Variants in PODNL1 observed in about 807,000 individuals in gnomAD.
The protein encoded by PODNL1 is podocan like 1.
A neutral mutation model predicts 45.1 loss-of-function variants in PODNL1; 50 were observed. The ratio of observed to expected loss-of-function variants is 1.11; its 90% CI spans 0.88 to 1.40. The LOEUF (loss-of-function observed/expected upper bound fraction) is 1.40, where lower values mean the gene tolerates loss of function less well. Among genes scored for constraint, PODNL1 ranks in the 40% most tolerant of loss-of-function variants. PODNL1 has a pLI of 0.00. For synonymous variants in PODNL1, 406 were observed against 372.5 expected (o/e 1.09, Z -1.04); for missense variants, 788 against 793.3 (o/e 0.99, Z 0.08).
chr19:13,931,717 T>C lies in PODNL1; in HGVS notation c.*20A>G. The C allele has an allele frequency of 8.1e-7, 1 of 1,231,766 alleles. No individual in the cohort carries two copies. The highest frequency in any genetic ancestry group is 1.0e-6 in the Non-Finnish European group (1 of 987,928). 76.3% of individuals were successfully genotyped at this position (1,231,766 alleles called of 1,614,324 possible). ...GCGGAGTCCCAGGAGTCTGAGCTGC[T>C]CTGCTGGGCCTCTCTAGGATCAGGG... On this transcript the variant is annotated 3_prime_UTR_variant, in exon 10 of 10. Coordinates refer to ENST00000588872, the MANE Select transcript of PODNL1 (RefSeq NM_001370095.3).
At position 13,936,350 on chromosome 19, in the gene PODNL1, T is replaced by A. The variant is rs1291812580; in HGVS notation, c.319+17A>T. On this transcript the variant is annotated intron_variant, in intron 3 of 9. Coordinates refer to ENST00000588872, the MANE Select transcript of PODNL1 (RefSeq NM_001370095.3). ...GTCCTACAGCCCCAGAGAGGCCGCCTCCCTCTGCCCCCTCACCTTCGGAGG... is the reference window on the plus strand; with the variant it reads ...GTCCTACAGCCCCAGAGAGGCCGCCACCCTCTGCCCCCTCACCTTCGGAGG... 1 of 1,601,652 alleles carries A rather than the reference T, an allele frequency of 6.2e-7. No individual in the cohort carries two copies. The highest frequency in any genetic ancestry group is 1.7e-4 in the Middle Eastern group (1 of 5,802).
intron 1 of PODNL1, chr19:13,952,430 T>C: frequency 8.1e-7 from 1 of 1,239,442 alleles, no homozygotes; most frequent in Non-Finnish European, 1.0e-6. Context: ...GGCGGGCCGC[T>C]GTCCCGAAAA....
At chr19:13,946,245 C>T (rs1470385291) in intron 1 of PODNL1, among the ~76,000 whole-genome samples, 1 of 151,756 alleles carries the variant, frequency 6.6e-6, no homozygotes, top group Non-Finnish European at 1.5e-5. Flanking sequence ...GCCTGGCCAA[C>T]ATGATGAAAC....
At chr19:13,948,016 T>C (rs1382885986) in intron 1 of PODNL1, among the ~76,000 whole-genome samples, 1 of 151,664 alleles carries the variant, frequency 6.6e-6, no homozygotes, top group Admixed American at 6.6e-5. Flanking sequence ...CAGGCCCTCA[T>C]GCTAATTTCT....
intron 2 of PODNL1, 85 bp downstream of exon 2, chr19:13,937,700 C>T: frequency 7.8e-7 from 1 of 1,288,504 alleles, no homozygotes; most frequent in African/African-American, 1.5e-5. Context: ...CCCCACCACG[C>T]TCCTCAGCTC....
At chr19:13,936,611 CTT>C (rs1440109037) in intron 2 of PODNL1, 151 bp from the exon 3 acceptor site, 2 of 609,248 alleles carry the variant, frequency 3.3e-6, no homozygotes, top group East Asian at 2.9e-5. Flanking sequence ...CTGACCCAGT[CTT>C]ATAACTGCCA....
chr19:13,939,745 C>T (rs1599442612), upstream of PODNL1, among the ~76,000 whole-genome samples: 1 of 151,902 alleles, frequency 6.6e-6, no homozygotes, highest in Non-Finnish European at 1.5e-5. Context: ...ATTAGCTGGG[C>T]ATGATGGCAC....
chr19:13,932,416 C>T (rs1305704911), intron 8 of PODNL1: 5 of 560,314 alleles, frequency 8.9e-6, no homozygotes, highest in African/African-American at 1.9e-5. Flanking sequence ...GTCTAGAGGG[C>T]AGTGGCCCGA....
rs1973092015 is a variant in PODNL1, at chr19:13,952,488, C to G, written c.18+631G>C. On this transcript the variant is annotated intron_variant, in intron 1 of 7. Coordinates refer to the PODNL1 transcript ENST00000538371. ...GGGTGGGGCGAAGGGGCCGGTTGCT[C>G]CGGAAGTGGAGGGAGGGGGTGAAAA... 6.4e-6 allele frequency: 8 copies of G among 1,248,314 alleles called. No individual in the cohort carries two copies. The Admixed American group carries it at 2.9e-4, about 46-fold the overall frequency. 77.3% of individuals were successfully genotyped at this position (1,248,314 alleles called of 1,614,324 possible). A position where few individuals can be genotyped will look rare whatever the true frequency, so the allele number is the denominator to read the frequency against.
intron 6 of PODNL1, 61 bp from the exon 7 acceptor site, chr19:13,934,054 A>G: frequency 6.8e-7 from 1 of 1,479,112 alleles, no homozygotes; most frequent in African/African-American, 1.4e-5. Flanking sequence ...GAAGCCACAG[A>G]CGGCTCTTGA....
chr19:13,940,560 G>C (rs974103676), upstream of PODNL1, among the ~76,000 whole-genome samples: 30 of 93,656 alleles, frequency 3.2e-4, no homozygotes, highest in Non-Finnish European at 4.9e-4. Flanking sequence ...GACAGAGCAA[G>C]ACTCCGTCTC....
chr19:13,951,926 C>G (rs1230385568), intron 1 of PODNL1, among the ~76,000 whole-genome samples: 1 of 152,228 alleles, frequency 6.6e-6, no homozygotes, highest in Admixed American at 6.5e-5. Context: ...ACATGTGGAG[C>G]GATCCATGAT....
Position 13,933,537 on chromosome 19 carries a change from G to C in PODNL1, c.768-82C>G. 2 of 1,387,446 alleles carry C rather than the reference G, an allele frequency of 1.4e-6. No individual in the cohort carries two copies. Among genetic ancestry groups the C allele is most frequent in the Non-Finnish European group, 1.9e-6 (2 of 1,033,924 alleles). The allele number at this position is 1,387,446 out of a possible 1,614,324, so 85.9% of individuals were successfully genotyped here. ...ATTTTGGCGGGGAGGCTGGGGAGTG[G>C]TCCTGAGACAGATTTAAGCTGGAGA... On this transcript the variant is annotated intron_variant, in intron 7 of 9. Coordinates refer to ENST00000588872, the MANE Select transcript of PODNL1 (RefSeq NM_001370095.3). This position sits in a 1 kb window ranked among gnomAD's most constrained non-coding sequence, Gnocchi z 5.2.
intron 1 of PODNL1, among the ~76,000 whole-genome samples, chr19:13,946,236 C>A (rs1051981310): frequency 6.6e-6 from 1 of 151,798 alleles, no homozygotes; most frequent in African/African-American, 2.4e-5. Context: ...TTGAGACCAG[C>A]CTGGCCAACA....
At chr19:13,948,780 A>T (rs1181649221) in intron 1 of PODNL1, among the ~76,000 whole-genome samples, 2 of 147,928 alleles carry the variant, frequency 1.4e-5, no homozygotes, top group Non-Finnish European at 1.5e-5. Flanking sequence ...TCTACAAAAA[A>T]AAAAAAAAAA....
In PODNL1 at chr19:13,952,552, G is replaced by A. The variant is rs919951953; in HGVS notation, c.18+567C>T. Reference sequence around the variant, plus strand: ...GAAATCGGAGCGGAACAGCGGGGCTGGGAGCGGCGGCGGCGGCCCCGGGGG... The same window carrying A: ...GAAATCGGAGCGGAACAGCGGGGCTAGGAGCGGCGGCGGCGGCCCCGGGGG... On this transcript the variant is annotated intron_variant, in intron 1 of 7. Transcript: ENST00000538371. 231 of 1,265,930 alleles carry A rather than the reference G, an allele frequency of 1.8e-4. 1 individual carries two copies. The highest frequency in any genetic ancestry group is 2.2e-4 in the Non-Finnish European group (225 of 1,001,128). 78.4% of individuals were successfully genotyped at this position (1,265,930 alleles called of 1,614,324 possible).
chr19:13,948,367 ATTTTTTTTTTT>A (rs572142449), intron 1 of PODNL1, among the ~76,000 whole-genome samples: 1 of 130,506 alleles, frequency 7.7e-6, no homozygotes, highest in African/African-American at 2.9e-5. Flanking sequence ...CGCCCGGCTA[ATTTTTTTTTTT>A]TTTTTTGTAT....
chr19:13,937,720 C>G, intron 2 of PODNL1, 65 bp downstream of exon 2: 1 of 1,460,246 alleles, frequency 6.8e-7, no homozygotes, highest in Non-Finnish European at 9.3e-7. Context: ...CTGGGGCACC[C>G]CTCCAGCTCC....
At chr19:13,947,842 C>T (rs1488824167) in intron 1 of PODNL1, among the ~76,000 whole-genome samples, 2 of 152,092 alleles carry the variant, frequency 1.3e-5, no homozygotes, top group African/African-American at 2.4e-5. Flanking sequence ...GGCCACTTTT[C>T]TCCATTTTCT....
Sources: gnomAD v4.1 joint callset for allele counts (sites outside exome capture counted in the v4.1 genomes callset) on GRCh38, gnomAD v4.1.1 for gene constraint, Gnocchi (gnomAD v3.1) non-coding constraint, MANE v1.5 for transcripts, NCBI Gene and HGNC (gene_info 2026-07-23, HGNC 2026-07-21) for gene names.